COL25A1: variants seen among roughly 807,000 people sequenced by gnomAD.
COL25A1 encodes the protein collagen type XXV alpha 1 chain.
In COL25A1, 103 loss-of-function variants were observed where a neutral mutation model predicts 128.4. The observed-to-expected ratio is 0.80, with a 90% CI of 0.68 to 0.94. The LOEUF (loss-of-function observed/expected upper bound fraction) is 0.94, where lower values mean the gene tolerates loss of function less well. Ranked by LOEUF, COL25A1 falls within the 40% of genes least tolerant of loss-of-function variation. The pLI, the probability that COL25A1 is intolerant of heterozygous loss-of-function variation, is 0.00. For synonymous variants in COL25A1, 279 were observed against 277.2 expected (o/e 1.01, Z -0.06); for missense variants, 745 against 840.0 (o/e 0.89, Z 1.40).
At chr4:108,996,528 T>A (rs953889111) in intron 6 of COL25A1, among the ~76,000 whole-genome samples, 3 of 152,062 alleles carry the variant, frequency 2.0e-5, no homozygotes, top group South Asian at 4.2e-4. Context: ...TAATGGGAGA[T>A]TTTAACACCC....
intron 5 of COL25A1, among the ~76,000 whole-genome samples, chr4:109,041,988 C>A (rs531816859): frequency 3.3e-5 from 5 of 152,036 alleles, no homozygotes; most frequent in Admixed American, 1.3e-4. Flanking sequence ...AGAAATAGAC[C>A]GTAGGAAAAA....
chr4:109,031,695 C>T (rs564884214), intron 5 of COL25A1, among the ~76,000 whole-genome samples: 1 of 152,170 alleles, frequency 6.6e-6, no homozygotes, highest in Non-Finnish European at 1.5e-5. Context: ...CATAGTTAGA[C>T]CTGGCAGTCA....
chr4:109,025,907 G>A (rs996144820), intron 5 of COL25A1, among the ~76,000 whole-genome samples: 4 of 151,840 alleles, frequency 2.6e-5, no homozygotes, highest in African/African-American at 9.7e-5. Flanking sequence ...CTTCTAAAAG[G>A]GGAAGTTCAA....
rs1759816746 is a variant in COL25A1, at chr4:109,040,869, T to C, written c.420+7299A>G. ...CTGTTTTGGTTTTTTATTTTTTAAT[T>C]TGAAAAGAAGCAAATTTAATTTTAC... On this transcript the variant is annotated intron_variant, in intron 5 of 37. Transcript: ENST00000399132. Among the ~76,000 whole-genome samples, 3 of 151,580 alleles carry C rather than the reference T, an allele frequency of 2.0e-5. No homozygotes were observed. The South Asian group carries it at 6.2e-4, about 31-fold the overall frequency.
chr4:109,190,724 T>A (rs559127738), intron 3 of COL25A1, among the ~76,000 whole-genome samples: 1 of 152,320 alleles, frequency 6.6e-6, no homozygotes, highest in African/African-American at 2.4e-5. Flanking sequence ...CAATAAGAAC[T>A]GATCAGTTAC....
intron 20 of COL25A1, among the ~76,000 whole-genome samples, chr4:108,868,691 G>A (rs181896477): frequency 7.9e-4 from 111 of 140,078 alleles, no homozygotes; most frequent in Non-Finnish European, 1.5e-3. Context: ...GAAGGGAAGC[G>A]AAGGGAAGGA....
chr4:108,896,713 T>A lies in COL25A1; in HGVS notation c.862-2A>T. On this transcript the variant is annotated splice_acceptor_variant, in intron 15 of 37. Transcript: ENST00000399132. LOFTEE classifies it high-confidence loss of function. The stretch of plus-strand genomic sequence containing the variant: ...GGGGCCGTTCTCTCCAGCGTCTCCC[T>A]GAGGAGGTGAGAAAGTGACACATGT... 1 of 1,613,738 alleles carries A rather than the reference T, an allele frequency of 6.2e-7. No individual in the cohort carries two copies.
chr4:109,103,251 CT>C (rs1766087151), intron 3 of COL25A1, among the ~76,000 whole-genome samples: 1 of 152,144 alleles, frequency 6.6e-6, no homozygotes, highest in South Asian at 2.1e-4. Context: ...TTCATTCTTC[CT>C]TTTCTTTGCA....
chr4:109,297,441 C>G (rs1725079173), intron 3 of COL25A1, among the ~76,000 whole-genome samples: 1 of 152,072 alleles, frequency 6.6e-6, no homozygotes, highest in Non-Finnish European at 1.5e-5. Flanking sequence ...GTCCTATCCA[C>G]TTCAATCATG....
At chr4:109,224,316 T>G (rs181109035) in intron 3 of COL25A1, among the ~76,000 whole-genome samples, 1 of 152,152 alleles carries the variant, frequency 6.6e-6, no homozygotes, top group African/African-American at 2.4e-5. Flanking sequence ...CACTAATATA[T>G]GGGTAGAACC....
chr4:108,828,323 T>C (rs1732633310), intron 32 of COL25A1, among the ~76,000 whole-genome samples: 2 of 151,976 alleles, frequency 1.3e-5, no homozygotes, highest in African/African-American at 2.4e-5. Flanking sequence ...TTAGTAGAGA[T>C]GGGGTTTCAC....
At chr4:108,868,596 GAAAGAAAGAA>G (rs1360168704) in intron 20 of COL25A1, among the ~76,000 whole-genome samples, 2 of 130,752 alleles carry the variant, frequency 1.5e-5, no homozygotes, top group African/African-American at 2.9e-5. Flanking sequence ...AAGGAAGGAA[GAAAGAAAGAA>G]AAAGAAAGAA....
intron 5 of COL25A1, among the ~76,000 whole-genome samples, chr4:109,032,492 T>C (rs1311179155): frequency 1.3e-5 from 2 of 152,190 alleles, no homozygotes; most frequent in Non-Finnish European, 2.9e-5. Context: ...TTCCAAGCAA[T>C]TGGAAAATCT....
intron 3 of COL25A1, among the ~76,000 whole-genome samples, chr4:109,220,220 G>A (rs1204710120): frequency 1.3e-5 from 2 of 152,112 alleles, no homozygotes; most frequent in African/African-American, 4.8e-5. Context: ...CTGAACTGTG[G>A]TTCTTTTATT....
chr4:108,882,718 T>C (rs926420496), intron 19 of COL25A1, among the ~76,000 whole-genome samples: 1 of 152,150 alleles, frequency 6.6e-6, no homozygotes, highest in African/African-American at 2.4e-5. Flanking sequence ...ACTGTTGTCA[T>C]AGAGTGTTAC....
At chr4:108,818,564 T>C (rs1731463353) in intron 36 of COL25A1, among the ~76,000 whole-genome samples, 1 of 152,136 alleles carries the variant, frequency 6.6e-6, no homozygotes, top group African/African-American at 2.4e-5. Flanking sequence ...ATTTTAGATT[T>C]TAGTATCAGG....
chr4:109,027,565 C>T (rs1227057775), intron 5 of COL25A1, among the ~76,000 whole-genome samples: 1 of 151,924 alleles, frequency 6.6e-6, no homozygotes, highest in Non-Finnish European at 1.5e-5. Flanking sequence ...AGGATCATGT[C>T]CACTATCGGG....
intron 3 of COL25A1, among the ~76,000 whole-genome samples, chr4:109,167,283 A>G (rs898803472): frequency 1.3e-5 from 2 of 152,148 alleles, no homozygotes; most frequent in African/African-American, 4.8e-5. Context: ...ATCCTAGGCA[A>G]TATATGGCTG....
chr4:108,926,756 T>C (rs1746105981), intron 11 of COL25A1, among the ~76,000 whole-genome samples: 1 of 151,814 alleles, frequency 6.6e-6, no homozygotes, highest in Non-Finnish European at 1.5e-5. Flanking sequence ...TAAAATGCCA[T>C]GTTCTGCTTG....
Sources: allele counts gnomAD v4.1 joint callset (sites outside exome capture counted in the v4.1 genomes callset), GRCh38; gene constraint gnomAD v4.1.1; transcripts MANE v1.5; gene names NCBI Gene and HGNC (gene_info 2026-07-23, HGNC 2026-07-21).